The following RBFOX1 variants were observed in gnomAD, a reference collection of about 807,000 sequenced individuals.
The protein encoded by RBFOX1 is RNA binding protein fox-1 homolog 1.
RBFOX1 carries 8 observed loss-of-function variants against 57.7 expected under a neutral mutation model. The ratio of observed to expected loss-of-function variants is 0.14; its 90% CI spans 0.08 to 0.25. The LOEUF (loss-of-function observed/expected upper bound fraction) is 0.25, where lower values mean the gene tolerates loss of function less well. Ranked by LOEUF, RBFOX1 falls within the 10% of genes least tolerant of loss-of-function variation. The pLI is 1.00. For missense variants in RBFOX1, 611 were observed against 548.5 expected, an observed-to-expected ratio of 1.11 and a Z score of -1.14; for synonymous variants, 326 against 222.4, an observed-to-expected ratio of 1.47 and a Z score of -4.15.
At chr16:5,423,511 C>G (rs1460441503) in intron 1 of RBFOX1, among the ~76,000 whole-genome samples, 1 of 152,216 alleles carries the variant, frequency 6.6e-6, no homozygotes, top group Non-Finnish European at 1.5e-5. Flanking sequence ...CACCACCTGT[C>G]TCATGGTGAA....
At chr16:6,043,722 C>A (rs2095467035) in intron 1 of RBFOX1, among the ~76,000 whole-genome samples, 1 of 152,078 alleles carries the variant, frequency 6.6e-6, no homozygotes, top group Non-Finnish European at 1.5e-5. Context: ...TCCCAGGAAG[C>A]CAGTATGGAA....
intron 1 of RBFOX1, among the ~76,000 whole-genome samples, chr16:6,309,679 T>C (rs778851314): frequency 1.3e-5 from 2 of 151,998 alleles, no homozygotes; most frequent in Admixed American, 1.3e-4. Flanking sequence ...GGGTGTAATA[T>C]TGTTAGTCTC....
chr16:6,826,536 TCTTCCGGGCATACGTG>T (rs760282018), intron 3 of RBFOX1, among the ~76,000 whole-genome samples: 60 of 152,258 alleles, frequency 3.9e-4, no homozygotes, highest in African/African-American at 1.4e-3. Context: ...GTGGGCACAG[TCTTCCGGGCATACGTG>T]CTTGCGGGCA....
chr16:5,891,560 T>C (rs971059994), intron 4 of RBFOX1, among the ~76,000 whole-genome samples: 3 of 152,100 alleles, frequency 2.0e-5, no homozygotes, highest in African/African-American at 2.4e-5. Flanking sequence ...GCCCGCTTAA[T>C]TGGATGGATG....
At chr16:6,004,650 C>T (rs1253627100) in intron 4 of RBFOX1, among the ~76,000 whole-genome samples, 2 of 152,194 alleles carry the variant, frequency 1.3e-5, no homozygotes, top group Non-Finnish European at 2.9e-5. Context: ...ATTTCTCTCT[C>T]CAGAATGGTC....
intron 2 of RBFOX1, among the ~76,000 whole-genome samples, chr16:6,317,543 CAA>C (rs34505828): frequency 1.3e-5 from 2 of 148,914 alleles, no homozygotes; most frequent in South Asian, 2.1e-4. Context: ...AAAATTACTG[CAA>C]AAAAAAAAGA....
intron 3 of RBFOX1, among the ~76,000 whole-genome samples, chr16:6,958,546 A>T (rs2082322896): frequency 6.6e-6 from 1 of 152,220 alleles, no homozygotes; most frequent in Admixed American, 6.5e-5. Flanking sequence ...GGATTGTTTT[A>T]AAAAATAAAG....
intron 4 of RBFOX1, among the ~76,000 whole-genome samples, chr16:7,301,770 C>A (rs547440614): frequency 6.6e-6 from 1 of 152,028 alleles, no homozygotes; most frequent in Non-Finnish European, 1.5e-5. Context: ...GAAAGCAGTG[C>A]GAACCCGTCC....
At chr16:5,601,964 A>G (rs1596399483), downstream of RBFOX1, among the ~76,000 whole-genome samples, 1 of 152,102 alleles carries the variant, frequency 6.6e-6, no homozygotes, top group African/African-American at 2.4e-5. Flanking sequence ...AGTGGAAGGG[A>G]TGATGGTATC....
At chr16:6,919,208 C>G (rs1363081882) in intron 3 of RBFOX1, among the ~76,000 whole-genome samples, 2 of 152,032 alleles carry the variant, frequency 1.3e-5, no homozygotes, top group Admixed American at 6.6e-5. Flanking sequence ...GTCTTGAACT[C>G]CTGACCTCAG....
At chr16:6,916,283 C>G (rs756020035) in intron 3 of RBFOX1, among the ~76,000 whole-genome samples, 8 of 152,158 alleles carry the variant, frequency 5.3e-5, no homozygotes, top group Admixed American at 1.3e-4. Context: ...GTTGTTTCCA[C>G]AGGATACCAT....
intron 4 of RBFOX1, among the ~76,000 whole-genome samples, chr16:5,994,426 T>A (rs1267528875): frequency 1.3e-5 from 2 of 152,162 alleles, no homozygotes; most frequent in Non-Finnish European, 2.9e-5. Flanking sequence ...CTTCCCAAAG[T>A]GCTGGGATTA....
At chr16:7,506,022 A>G (rs2073147769) in intron 4 of RBFOX1, among the ~76,000 whole-genome samples, 1 of 151,774 alleles carries the variant, frequency 6.6e-6, no homozygotes, top group African/African-American at 2.4e-5. Context: ...CATCTCTGCT[A>G]AAAATACAAA....
intron 2 of RBFOX1, among the ~76,000 whole-genome samples, chr16:6,362,368 C>G: frequency 6.6e-6 from 1 of 152,010 alleles, no homozygotes; most frequent in East Asian, 1.9e-4. Flanking sequence ...ATACTTAGAC[C>G]TGCTTCCCAA....
chr16:6,194,834 C>T (rs1255434522), intron 1 of RBFOX1, among the ~76,000 whole-genome samples: 1 of 152,182 alleles, frequency 6.6e-6, no homozygotes, highest in Non-Finnish European at 1.5e-5. Context: ...TTATGTTTAT[C>T]TCTATCCTTA....
At chr16:7,174,729 A>G (rs2081326079) in intron 4 of RBFOX1, among the ~76,000 whole-genome samples, 1 of 152,216 alleles carries the variant, frequency 6.6e-6, no homozygotes, top group Non-Finnish European at 1.5e-5. Flanking sequence ...GCAGTGAGCC[A>G]AGATTGCGCC....
intron 9 of RBFOX1, among the ~76,000 whole-genome samples, chr16:7,602,679 A>T (rs75413825): frequency 6.6e-6 from 1 of 152,116 alleles, no homozygotes; most frequent in African/African-American, 2.4e-5. Flanking sequence ...AGCCCGCATG[A>T]GCTCTGTAAG....
chr16:6,895,824 A>C (rs144931624), intron 3 of RBFOX1, among the ~76,000 whole-genome samples: 131 of 152,198 alleles, frequency 8.6e-4, no homozygotes, highest in African/African-American at 3.0e-3. Context: ...CAATTTGTTT[A>C]AACCTCTTGG....
chr16:7,377,121 T>C (rs2097699226), intron 4 of RBFOX1, among the ~76,000 whole-genome samples: 1 of 152,242 alleles, frequency 6.6e-6, no homozygotes, highest in Admixed American at 6.5e-5. Context: ...AGGTAATCTA[T>C]TGAGGAAATT....
Sources: allele counts gnomAD v4.1 joint callset (sites outside exome capture counted in the v4.1 genomes callset), GRCh38; gene constraint gnomAD v4.1.1; transcripts MANE v1.5; gene names NCBI Gene and HGNC (gene_info 2026-07-23, HGNC 2026-07-21).